Variants in ST6GALNAC3 observed in about 807,000 individuals in gnomAD.
The protein encoded by ST6GALNAC3 is alpha-N-acetylgalactosaminide alpha-2,6-sialyltransferase 3.
In ST6GALNAC3, 25 loss-of-function variants were observed where a neutral mutation model predicts 32.7. The ratio of observed to expected loss-of-function variants is 0.76; its 90% CI spans 0.56 to 1.07. The LOEUF (loss-of-function observed/expected upper bound fraction) is 1.07. ST6GALNAC3 is among the 50% of genes least tolerant of loss of function. The pLI is 0.00. For missense variants in ST6GALNAC3, 355 were observed against 382.4 expected (o/e 0.93, Z 0.60); for synonymous variants, 129 against 133.1 (o/e 0.97, Z 0.21).
At position 76,103,691 on chromosome 1, in the gene ST6GALNAC3, C is replaced by G. The variant is rs368618119; in HGVS notation, c.18+28807C>G. Among the ~76,000 whole-genome samples the G allele has an allele frequency of 3.7e-4, 56 of 152,246 alleles. 3 individuals are homozygous for G. The highest frequency in any genetic ancestry group is 1.2e-3 in the African/African-American group (49 of 41,542). On this transcript the variant is annotated intron_variant, in intron 1 of 4. Coordinates refer to ENST00000328299, the MANE Select transcript of ST6GALNAC3 (RefSeq NM_152996.4). The stretch of plus-strand genomic sequence containing the variant: ...CCTCCAAAGGCTCTAGGGAAGAATC[C>G]ACCCCTTGCCTCTTTTAGTTTCTAG...
chr1:76,599,166 T>C (rs1051912283), intron 3 of ST6GALNAC3, among the ~76,000 whole-genome samples: 5 of 152,198 alleles, frequency 3.3e-5, no homozygotes, highest in African/African-American at 1.2e-4. Context: ...CACATTAAAA[T>C]AAATTCTCTC....
chr1:76,257,676 G>T (rs375872816), intron 1 of ST6GALNAC3, among the ~76,000 whole-genome samples: 4 of 151,806 alleles, frequency 2.6e-5, no homozygotes, highest in African/African-American at 9.7e-5. Context: ...CTGCTCTGCC[G>T]CCATCTATTT....
chr1:76,212,649 T>A (rs1272072142), intron 1 of ST6GALNAC3, among the ~76,000 whole-genome samples: 1 of 152,128 alleles, frequency 6.6e-6, no homozygotes, highest in Non-Finnish European at 1.5e-5. Context: ...ATTGAAGCAA[T>A]TCAACAATTG....
At chr1:76,456,279 T>C (rs1657781460) in intron 3 of ST6GALNAC3, among the ~76,000 whole-genome samples, 2 of 152,200 alleles carry the variant, frequency 1.3e-5, no homozygotes, top group South Asian at 4.1e-4. Context: ...GATGAGAAAC[T>C]CATATATGAC....
chr1:76,596,906 A>G (rs1647146564), intron 3 of ST6GALNAC3, among the ~76,000 whole-genome samples: 2 of 152,178 alleles, frequency 1.3e-5, no homozygotes, highest in African/African-American at 4.8e-5. Flanking sequence ...TTGTGAGCTT[A>G]TAATTATCCT....
intron 1 of ST6GALNAC3, among the ~76,000 whole-genome samples, chr1:76,143,931 C>G (rs1650505919): frequency 6.6e-6 from 1 of 152,162 alleles, no homozygotes; most frequent in Non-Finnish European, 1.5e-5. Flanking sequence ...CCTAGCTTGC[C>G]AGCCTTGGGC....
At chr1:76,119,180 A>C (rs1230045871) in intron 1 of ST6GALNAC3, among the ~76,000 whole-genome samples, 5 of 152,222 alleles carry the variant, frequency 3.3e-5, no homozygotes, top group Non-Finnish European at 5.9e-5. Flanking sequence ...TTACAAGGAC[A>C]AGGGAGGAAT....
chr1:76,552,762 A>G (rs1032943269), intron 3 of ST6GALNAC3, among the ~76,000 whole-genome samples: 3 of 152,024 alleles, frequency 2.0e-5, no homozygotes, highest in Non-Finnish European at 4.4e-5. Context: ...TTGACTAAGA[A>G]CTCCTAACAG....
intron 3 of ST6GALNAC3, among the ~76,000 whole-genome samples, chr1:76,415,193 T>A (rs1276215342): frequency 7.5e-6 from 1 of 133,808 alleles, no homozygotes; most frequent in East Asian, 2.3e-4. Flanking sequence ...TTTTTTTTTT[T>A]GCCAAAACCA....
intron 3 of ST6GALNAC3, among the ~76,000 whole-genome samples, chr1:76,451,516 G>T (rs1657402023): frequency 1.3e-5 from 2 of 152,156 alleles, no homozygotes; most frequent in South Asian, 4.1e-4. Flanking sequence ...AGTTTTGGGT[G>T]GGGGCACATC....
chr1:76,477,229 T>A (rs1389643697), intron 3 of ST6GALNAC3, among the ~76,000 whole-genome samples: 5 of 274 alleles, frequency 0.018, no homozygotes, highest in East Asian at 0.25. Flanking sequence ...TCATCCAGCA[T>A]TTTTTTTTTT....
At chr1:76,385,275 G>GAACTTTTA (rs1386035596) in intron 2 of ST6GALNAC3, among the ~76,000 whole-genome samples, 1 of 152,010 alleles carries the variant, frequency 6.6e-6, no homozygotes, top group Admixed American at 6.6e-5. Context: ...ACTTACTTTT[G>GAACTTTTA]AACTTTTAAA....
intron 1 of ST6GALNAC3, among the ~76,000 whole-genome samples, chr1:76,273,000 C>G (rs943084058): frequency 2.6e-5 from 4 of 152,184 alleles, no homozygotes; most frequent in Admixed American, 2.0e-4. Context: ...AAACACTGTT[C>G]AAAGGGGTCA....
At chr1:76,595,219 C>G (rs1647116400) in intron 3 of ST6GALNAC3, among the ~76,000 whole-genome samples, 1 of 152,094 alleles carries the variant, frequency 6.6e-6, no homozygotes, top group Non-Finnish European at 1.5e-5. Flanking sequence ...CCAACACAAT[C>G]TGTGGGTAAT....
intron 2 of ST6GALNAC3, among the ~76,000 whole-genome samples, chr1:76,378,979 C>T (rs1380104242): frequency 6.6e-6 from 1 of 152,188 alleles, no homozygotes; most frequent in Non-Finnish European, 1.5e-5. Context: ...TCACTGCAAC[C>T]TCTGCCGCCC....
chr1:76,329,467 T>C (rs1030235402), intron 2 of ST6GALNAC3, among the ~76,000 whole-genome samples: 2 of 152,178 alleles, frequency 1.3e-5, no homozygotes, highest in Admixed American at 6.5e-5. Flanking sequence ...AAAATAATAA[T>C]ATATTCTATA....
chr1:76,449,302 CA>C (rs777176539), intron 3 of ST6GALNAC3, among the ~76,000 whole-genome samples: 12 of 152,162 alleles, frequency 7.9e-5, no homozygotes, highest in Non-Finnish European at 1.6e-4. Context: ...CTGAATATGA[CA>C]GTTTATTTAT....
intron 2 of ST6GALNAC3, among the ~76,000 whole-genome samples, chr1:76,358,273 G>C (rs67776937): frequency 3.3e-5 from 5 of 152,016 alleles, no homozygotes; most frequent in Admixed American, 3.3e-4. Context: ...TTCAACCCAG[G>C]CAAGATGTCA....
chr1:76,112,507 C>T lies in ST6GALNAC3; in HGVS notation c.18+37623C>T, dbSNP rs1345555377. 1.3e-5 allele frequency among the ~76,000 whole-genome samples: 2 copies of T among 150,082 alleles called. 1 individual carries two copies. The highest frequency in any genetic ancestry group is 4.2e-4 in the South Asian group (2 of 4,720). On this transcript the variant is annotated intron_variant, in intron 1 of 4. Coordinates refer to ENST00000328299, the MANE Select transcript of ST6GALNAC3 (RefSeq NM_152996.4). ...CTCCCTTCCAGATGGGGCGGCTGGC[C>T]GGGCGGGGTATTGACCCCCACCTCC...
Sources: gnomAD v4.1 joint callset for allele counts (sites outside exome capture counted in the v4.1 genomes callset) on GRCh38, gnomAD v4.1.1 for gene constraint, MANE v1.5 for transcripts, NCBI Gene and HGNC (gene_info 2026-07-23, HGNC 2026-07-21) for gene names.